AGAP1: variants seen among roughly 807,000 people sequenced by gnomAD.
The protein encoded by AGAP1 is ArfGAP with GTPase domain, ankyrin repeat and PH domain 1, also known as arf-GAP with GTPase, ANK repeat and PH domain-containing protein 1.
AGAP1 carries 29 observed loss-of-function variants against 105.3 expected under a neutral mutation model. The observed-to-expected ratio is 0.28, with a 90% CI of 0.21 to 0.38. The LOEUF is 0.38. Ranked by LOEUF, AGAP1 falls within the 10% of genes least tolerant of loss-of-function variation. The probability of loss-of-function intolerance (pLI) is 1.00; values close to 1 mark genes in which losing one functional copy is unlikely to be tolerated. For synonymous variants in AGAP1, 509 were observed against 485.9 expected (o/e 1.05, Z -0.63); for missense variants, 998 against 1,165.1 (o/e 0.86, Z 2.09).
In AGAP1 at chr2:236,062,944, G is replaced by A. The variant is rs2058242379; in HGVS notation, c.2114+13663G>A. On this transcript the variant is annotated intron_variant, in intron 16 of 17. Transcript: ENST00000304032. This position sits in a 1 kb window ranked among gnomAD's most constrained non-coding sequence, Gnocchi z 4.2. Reference sequence around the variant, plus strand: ...CAGAGTGCTGGGATTACAAGTATGAGCCACCGTGCCTGGCCATCAGCTATT... The same window carrying A: ...CAGAGTGCTGGGATTACAAGTATGAACCACCGTGCCTGGCCATCAGCTATT... 6.6e-6 allele frequency among the ~76,000 whole-genome samples: 1 copy of A among 152,090 alleles called. No homozygotes were observed. Among genetic ancestry groups the A allele is most frequent in the South Asian group, 2.1e-4 (1 of 4,826 alleles).
intron 17 of AGAP1, among the ~76,000 whole-genome samples, chr2:236,122,022 GC>G (rs1401902970): frequency 6.7e-6 from 1 of 148,570 alleles, no homozygotes; most frequent in African/African-American, 2.5e-5. Context: ...CACAATCATA[GC>G]CCACTGTAAC....
At chr2:235,545,935 CTCTG>C (rs1264799667) in intron 1 of AGAP1, among the ~76,000 whole-genome samples, 1 of 152,200 alleles carries the variant, frequency 6.6e-6, no homozygotes, top group Non-Finnish European at 1.5e-5. Flanking sequence ...GGAGGGTCCC[CTCTG>C]TCTGGATGGT....
intron 9 of AGAP1, among the ~76,000 whole-genome samples, chr2:235,809,618 C>T (rs1958023858): frequency 6.6e-6 from 1 of 152,158 alleles, no homozygotes; most frequent in African/African-American, 2.4e-5. Context: ...TCGGGGCACC[C>T]TTGTCAAAGC....
chr2:235,656,511 G>C (rs1459663596), intron 1 of AGAP1, among the ~76,000 whole-genome samples: 1 of 151,966 alleles, frequency 6.6e-6, no homozygotes, highest in Admixed American at 6.6e-5. Context: ...CCGATTACCT[G>C]CTACCTGCTC....
intron 10 of AGAP1, among the ~76,000 whole-genome samples, chr2:235,899,358 C>A (rs55869765): frequency 0.013 from 1,921 of 152,148 alleles, 40 homozygotes; most frequent in African/African-American, 0.044. Flanking sequence ...ACTAAAAATA[C>A]AAAAATTAGC....
chr2:235,498,761 T>G (rs1384726252), intron 1 of AGAP1, among the ~76,000 whole-genome samples: 2 of 152,186 alleles, frequency 1.3e-5, no homozygotes, highest in Non-Finnish European at 2.9e-5. Flanking sequence ...AAGGTTGGCC[T>G]TCCTCTGAGG....
At chr2:236,048,965 A>G (rs1179016990) in intron 15 of AGAP1, 94 bp from the exon 16 acceptor site, 2 of 1,213,524 alleles carry the variant, frequency 1.6e-6, no homozygotes, top group Admixed American at 3.8e-5. Flanking sequence ...GTCGTTGTGA[A>G]GTTTGACTGA....
rs1219107719 is a variant in AGAP1 at position 236,009,399 on chromosome 2, T to G, written c.1646-27162T>G. Among the ~76,000 whole-genome samples, 5 of 152,120 alleles carry G rather than the reference T, an allele frequency of 3.3e-5. No individual in the cohort carries two copies. In the East Asian group the frequency reaches 9.6e-4, roughly 29 times the overall value. ...CTGCCGAGGTTCCTGGGGGATGATCTTTGTGTAAAGGATCCTGGTGCCGCA... is the reference window on the plus strand; with the variant it reads ...CTGCCGAGGTTCCTGGGGGATGATCGTTGTGTAAAGGATCCTGGTGCCGCA... On this transcript the variant is annotated intron_variant, in intron 13 of 17. Coordinates refer to ENST00000304032, the MANE Select transcript of AGAP1 (RefSeq NM_001037131.3). The surrounding 1 kb of genome is among the most constrained non-coding windows in gnomAD (Gnocchi z 4.2).
chr2:235,674,316 C>T (rs532599130), intron 1 of AGAP1, among the ~76,000 whole-genome samples: 10 of 152,170 alleles, frequency 6.6e-5, no homozygotes, highest in Admixed American at 2.6e-4. Context: ...GGGCAGAGTC[C>T]GTTGACTCAA....
rs7581804 is a variant in AGAP1 at position 235,726,016 on chromosome 2, A to G, written c.310+8372A>G. On this transcript the variant is annotated intron_variant, in intron 3 of 17. Coordinates refer to ENST00000304032, the MANE Select transcript of AGAP1 (RefSeq NM_001037131.3). ...TTGGCATTGATGAAATTGGCAGGAC[A>G]AAGTGTGTTTTTGAGTTGGCTGTAT... Among the ~76,000 whole-genome samples the G allele has an allele frequency of 6.4e-3, 972 of 152,342 alleles. 16 individuals carry two copies. Among genetic ancestry groups the G allele is most frequent in the African/African-American group, 0.022 (926 of 41,580 alleles).
rs915360553 is a variant in AGAP1 at position 235,799,837 on chromosome 2, ACT to A, written c.957+318_957+319del. On this transcript the variant is annotated intron_variant, in intron 8 of 17. Coordinates refer to ENST00000304032, the MANE Select transcript of AGAP1 (RefSeq NM_001037131.3). This position sits in a 1 kb window ranked among gnomAD's most constrained non-coding sequence, Gnocchi z 5.0. The stretch of plus-strand genomic sequence containing the variant: ...ACAGTGGATACAAGGAGATGACAAA[ACT>A]CTAAGATTCCCAGATGTGTGTCTCT... Among the ~76,000 whole-genome samples, 11 of 152,014 alleles carry A rather than the reference ACT, an allele frequency of 7.2e-5. No individual in the cohort carries two copies. In the South Asian group the frequency reaches 1.9e-3, roughly 26 times the overall value.
intron 9 of AGAP1, among the ~76,000 whole-genome samples, chr2:235,831,681 T>G (rs1378626131): frequency 6.6e-6 from 1 of 152,248 alleles, no homozygotes; most frequent in East Asian, 1.9e-4. Context: ...ATTGCCTGGA[T>G]GTACCATGGT....
chr2:235,713,843 G>C (rs1950966081), intron 2 of AGAP1, among the ~76,000 whole-genome samples: 2 of 152,192 alleles, frequency 1.3e-5, no homozygotes, highest in Admixed American at 6.5e-5. Context: ...CTGAGGACCT[G>C]CTTGCTGGTT....
intron 5 of AGAP1, among the ~76,000 whole-genome samples, chr2:235,746,876 C>T (rs1254638664): frequency 6.6e-6 from 1 of 151,994 alleles, no homozygotes; most frequent in East Asian, 1.9e-4. Context: ...AGATCCCCTG[C>T]GATCAGGTTC....
chr2:235,836,399 C>T (rs1960162249), intron 9 of AGAP1, among the ~76,000 whole-genome samples: 1 of 152,142 alleles, frequency 6.6e-6, no homozygotes, highest in Non-Finnish European at 1.5e-5. Context: ...AGGAGAAACA[C>T]CAACAAGTGG....
At chr2:236,111,713 G>A (rs2059647684) in intron 16 of AGAP1, among the ~76,000 whole-genome samples, 2 of 151,356 alleles carry the variant, frequency 1.3e-5, no homozygotes. Flanking sequence ...GACTGCTTGA[G>A]CCCAGGAGTT....
chr2:235,587,582 T>G (rs1489151513), intron 1 of AGAP1, among the ~76,000 whole-genome samples: 1 of 151,832 alleles, frequency 6.6e-6, no homozygotes, highest in African/African-American at 2.4e-5. Flanking sequence ...TGAAACCCCA[T>G]CTCTACTGAA....
chr2:235,869,546 AG>A (rs1379429230), intron 9 of AGAP1, among the ~76,000 whole-genome samples: 1 of 151,606 alleles, frequency 6.6e-6, no homozygotes, highest in Non-Finnish European at 1.5e-5. Flanking sequence ...GGTTGCAGTG[AG>A]CCAAGATCGC....
intron 12 of AGAP1, among the ~76,000 whole-genome samples, chr2:235,932,974 G>A (rs79981629): frequency 3.6e-3 from 547 of 152,262 alleles, no homozygotes; most frequent in African/African-American, 0.012. Context: ...ATTAACACAC[G>A]TGGGTGTCCA....
Sources: allele counts gnomAD v4.1 joint callset (sites outside exome capture counted in the v4.1 genomes callset), GRCh38; gene constraint gnomAD v4.1.1; non-coding constraint Gnocchi (gnomAD v3.1); transcripts MANE v1.5; gene names NCBI Gene and HGNC (gene_info 2026-07-23, HGNC 2026-07-21).